SIK3: variants seen among roughly 807,000 people sequenced by gnomAD.
The protein encoded by SIK3 is serine/threonine-protein kinase SIK3.
In SIK3, 28 loss-of-function variants were observed where a neutral mutation model predicts 144.2. The observed-to-expected ratio is 0.19, with a 90% confidence interval of 0.14 to 0.27. SIK3 has a LOEUF of 0.27. Among genes scored for constraint, SIK3 ranks in the 10% least tolerant of loss-of-function variants. The pLI is 1.00. For synonymous variants in SIK3, 686 were observed against 676.3 expected (o/e 1.01, Z -0.22); for missense variants, 1,319 against 1,776.0 (o/e 0.74, Z 4.62).
intron 1 of SIK3, among the ~76,000 whole-genome samples, chr11:116,992,928 T>C (rs1489807548): frequency 6.6e-6 from 1 of 152,240 alleles, no homozygotes; most frequent in African/African-American, 2.4e-5. Flanking sequence ...GAGGCTGCAG[T>C]GAGCCGTGAT....
intron 1 of SIK3, among the ~76,000 whole-genome samples, chr11:116,983,998 T>A: frequency 7.5e-6 from 1 of 132,602 alleles, no homozygotes; most frequent in Non-Finnish European, 1.5e-5. Flanking sequence ...CTGCAGTGAG[T>A]CATGATCATG....
rs913156432 is a variant in SIK3, at chr11:117,061,272, TA to T, written c.273+36870del. On this transcript the variant is annotated intron_variant, in intron 1 of 24. Coordinates refer to ENST00000445177, the MANE Select transcript of SIK3 (RefSeq NM_001366686.3). Reference sequence around the variant, plus strand: ...AATAGATAAAATAAAGCCTATTCATTAAAAAAAAAATTTTAAGGTATTACCA... The same window carrying T: ...AATAGATAAAATAAAGCCTATTCATTAAAAAAAAATTTTAAGGTATTACCA... Among the ~76,000 whole-genome samples the T allele has an allele frequency of 7.3e-5, 11 of 150,024 alleles. 1 individual carries two copies. Among genetic ancestry groups the T allele is most frequent in the East Asian group, 1.9e-4 (1 of 5,154 alleles).
chr11:116,856,073 T>G (rs1942892468), intron 21 of SIK3, among the ~76,000 whole-genome samples: 1 of 151,922 alleles, frequency 6.6e-6, no homozygotes, highest in Non-Finnish European at 1.5e-5. Context: ...GGCGGGCACA[T>G]GTAGTCCCAG....
intron 3 of SIK3, among the ~76,000 whole-genome samples, chr11:116,953,227 T>C (rs907746713): frequency 1.3e-5 from 2 of 152,072 alleles, no homozygotes; most frequent in African/African-American, 4.8e-5. Context: ...ATGTTTAAAA[T>C]AAAAATTAAA....
chr11:116,971,629 A>C (rs1201599642), intron 1 of SIK3, among the ~76,000 whole-genome samples: 1 of 152,244 alleles, frequency 6.6e-6, no homozygotes, highest in African/African-American at 2.4e-5. Flanking sequence ...AATCAGCTTC[A>C]AGAATTATTA....
At chr11:116,887,981 G>T (rs974541793) in intron 6 of SIK3, among the ~76,000 whole-genome samples, 3 of 151,342 alleles carry the variant, frequency 2.0e-5, no homozygotes, top group Non-Finnish European at 4.4e-5. Context: ...AAATATACAT[G>T]AATTGTGAGG....
intron 3 of SIK3, among the ~76,000 whole-genome samples, chr11:116,944,768 A>T (rs1948495917): frequency 6.6e-6 from 1 of 152,134 alleles, no homozygotes; most frequent in African/African-American, 2.4e-5. Flanking sequence ...ATCAAACTGA[A>T]CCGGTTTTGG....
At chr11:116,925,771 G>A (rs1044926700) in intron 4 of SIK3, among the ~76,000 whole-genome samples, 3 of 152,166 alleles carry the variant, frequency 2.0e-5, no homozygotes, top group Admixed American at 2.0e-4. Flanking sequence ...CACCTTTGTG[G>A]GAACTACCAG....
At chr11:117,049,140 TCA>T (rs1188707186) in intron 1 of SIK3, among the ~76,000 whole-genome samples, 6 of 152,238 alleles carry the variant, frequency 3.9e-5, no homozygotes, top group South Asian at 2.1e-4. Flanking sequence ...ATGATTTCTC[TCA>T]GTTTTTTTGT....
At chr11:116,993,867 C>A (rs546709646) in intron 1 of SIK3, among the ~76,000 whole-genome samples, 13 of 152,314 alleles carry the variant, frequency 8.5e-5, no homozygotes, top group Admixed American at 2.6e-4. Flanking sequence ...AGCGTGACAG[C>A]CAAGCAAGTG....
chr11:116,939,780 A>AT (rs1434562240), intron 3 of SIK3, among the ~76,000 whole-genome samples: 12 of 152,242 alleles, frequency 7.9e-5, no homozygotes, highest in Non-Finnish European at 4.4e-5. Context: ...AATGTAGGAC[A>AT]TTTTTTAAGA....
At chr11:116,959,645 A>G (rs1426279004) in intron 1 of SIK3, among the ~76,000 whole-genome samples, 1 of 152,142 alleles carries the variant, frequency 6.6e-6, no homozygotes, top group Non-Finnish European at 1.5e-5. Flanking sequence ...TCCCTGATTC[A>G]CAAGGCACTC....
At chr11:116,866,088 A>G (rs1042013889) in intron 15 of SIK3, among the ~76,000 whole-genome samples, 3 of 152,202 alleles carry the variant, frequency 2.0e-5, no homozygotes, top group Non-Finnish European at 4.4e-5. Flanking sequence ...TCACACAGAC[A>G]GAGCTGTGGT....
At chr11:116,938,253 GGGAGAAGAGA>G (rs1948036128) in intron 3 of SIK3, among the ~76,000 whole-genome samples, 1 of 75,492 alleles carries the variant, frequency 1.3e-5, no homozygotes, top group Non-Finnish European at 2.5e-5. Context: ...GGGAGAAGAG[GGGAGAAGAGA>G]GGAGAGGAGA....
intron 6 of SIK3, among the ~76,000 whole-genome samples, chr11:116,894,737 C>A (rs1223435727): frequency 6.6e-6 from 1 of 152,300 alleles, no homozygotes; most frequent in Non-Finnish European, 1.5e-5. Flanking sequence ...TTGTGAAGTG[C>A]TTTGAACAGT....
intron 3 of SIK3, among the ~76,000 whole-genome samples, chr11:116,948,595 G>T (rs1369943804): frequency 6.6e-6 from 1 of 152,064 alleles, no homozygotes. Context: ...TTTCTTAAGG[G>T]ACTGTAGTAA....
At chr11:116,985,360 C>T (rs1019248019) in intron 1 of SIK3, among the ~76,000 whole-genome samples, 24 of 152,150 alleles carry the variant, frequency 1.6e-4, no homozygotes, top group African/African-American at 5.8e-4. Context: ...CAGTTTTAGG[C>T]AATGCAAGTC....
intron 4 of SIK3, among the ~76,000 whole-genome samples, chr11:116,900,667 T>G (rs1201118316): frequency 6.6e-6 from 1 of 152,120 alleles, no homozygotes; most frequent in Non-Finnish European, 1.5e-5. Flanking sequence ...GTACCATGCC[T>G]TTTCCTTTCT....
At chr11:117,082,939 C>G (rs1296478374) in intron 1 of SIK3, among the ~76,000 whole-genome samples, 1 of 152,102 alleles carries the variant, frequency 6.6e-6, no homozygotes, top group African/African-American at 2.4e-5. Context: ...GCAAGCAACT[C>G]TGATGGGCCA....
Sources: gnomAD v4.1 joint callset for allele counts (sites outside exome capture counted in the v4.1 genomes callset) on GRCh38, gnomAD v4.1.1 for gene constraint, MANE v1.5 for transcripts, NCBI Gene and HGNC (gene_info 2026-07-23, HGNC 2026-07-21) for gene names.